SORD: variants seen among roughly 807,000 people sequenced by gnomAD.
The protein encoded by SORD is (R,R)-butanediol dehydrogenase.
A neutral mutation model predicts 35.6 loss-of-function variants in SORD; 18 were observed. The observed-to-expected ratio is 0.51, with a 90% CI of 0.35 to 0.75. The LOEUF (loss-of-function observed/expected upper bound fraction) is 0.75, where lower values mean the gene tolerates loss of function less well. Ranked by LOEUF, SORD falls within the 30% of genes least tolerant of loss-of-function variation. SORD has a pLI of 0.01. For synonymous variants in SORD, 106 were observed against 152.9 expected (o/e 0.69, Z 2.26); for missense variants, 250 against 390.2 (o/e 0.64, Z 3.03).
chr15:45,039,689 A>G (rs1207111770), intron 1 of SORD, among the ~76,000 whole-genome samples: 1 of 152,240 alleles, frequency 6.6e-6, no homozygotes, highest in African/African-American at 2.4e-5. Flanking sequence ...CAAATGCCAC[A>G]TGGGAAGTTT....
chr15:45,048,274 TC>T (rs1293257047), intron 3 of SORD, among the ~76,000 whole-genome samples: 1 of 152,176 alleles, frequency 6.6e-6, no homozygotes. Flanking sequence ...TGGTTTGTTT[TC>T]CCCCAATCCA....
chr15:45,055,063 T>C (rs2141277026), intron 3 of SORD, among the ~76,000 whole-genome samples: 1 of 152,242 alleles, frequency 6.6e-6, no homozygotes, highest in South Asian at 2.1e-4. Flanking sequence ...GTAGTATAGT[T>C]TGAAGTCAGG....
At chr15:45,039,121 A>ATC (rs940627792) in intron 1 of SORD, among the ~76,000 whole-genome samples, 3 of 148,790 alleles carry the variant, frequency 2.0e-5, no homozygotes, top group Admixed American at 1.3e-4. Flanking sequence ...GAACATTTCC[A>ATC]TCTCTCTCTC....
At chr15:45,067,324 C>T (rs1294229595) in intron 5 of SORD, among the ~76,000 whole-genome samples, 1 of 152,160 alleles carries the variant, frequency 6.6e-6, no homozygotes, top group Non-Finnish European at 1.5e-5. Context: ...TGCACCACTG[C>T]ACTCCAGCCT....
chr15:45,030,581 A>G (rs1892763697), intron 1 of SORD, among the ~76,000 whole-genome samples: 2 of 152,264 alleles, frequency 1.3e-5, no homozygotes. Context: ...AGCACTTATC[A>G]AGATCACGAA....
At position 45,054,290 on chromosome 15, in the gene SORD, A is replaced by G. The variant is rs1360259601; in HGVS notation, c.266-6777A>G. Among the ~76,000 whole-genome samples the G allele has an allele frequency of 3.9e-5, 6 of 152,200 alleles. No homozygotes were observed. In the East Asian group the frequency reaches 1.2e-3, roughly 29 times the overall value. On this transcript the variant is annotated intron_variant, in intron 3 of 8. Transcript: ENST00000267814. ...TGTAAAAGTGTTCCTATTTCAACAC[A>G]TTCTCTCCAGCACCTGTTGTTTCCT...
At chr15:45,073,312 C>T in intron 8 of SORD, 53 bp from the exon 9 acceptor site, 4 of 953,816 alleles carry the variant, frequency 4.2e-6, no homozygotes, top group Non-Finnish European at 6.0e-6. Context: ...TAGTTTGGGG[C>T]ACCTGGCTCT....
At chr15:45,048,500 G>C (rs1332732416) in intron 3 of SORD, among the ~76,000 whole-genome samples, 1 of 152,130 alleles carries the variant, frequency 6.6e-6, no homozygotes, top group African/African-American at 2.4e-5. Flanking sequence ...CTTGAGCCTG[G>C]GGGTTTGAGA....
rs1893300773 is a variant in SORD, at chr15:45,061,232, T to A, written c.425+6T>A. Reference sequence around the variant, plus strand: ...AATGCAGCCTTTTGTTACAAGTTAGTGTCCACAGTCCCACTGGGTCACCTG... The same window carrying A: ...AATGCAGCCTTTTGTTACAAGTTAGAGTCCACAGTCCCACTGGGTCACCTG... On this transcript the variant is annotated splice_donor_region_variant and intron_variant, in intron 4 of 8. Transcript: ENST00000267814. 6.2e-7 allele frequency: 1 copy of A among 1,613,986 alleles called. No individual in the cohort carries two copies. Among genetic ancestry groups the A allele is most frequent in the South Asian group, 1.1e-5 (1 of 91,084 alleles).
chr15:45,025,105 C>A (rs1892649592), intron 1 of SORD, among the ~76,000 whole-genome samples: 1 of 152,312 alleles, frequency 6.6e-6, no homozygotes, highest in Non-Finnish European at 1.5e-5. Flanking sequence ...GCATTAGAAC[C>A]CACTCTCTGA....
chr15:45,069,067 G>A lies in SORD; in HGVS notation c.786+15G>A, dbSNP rs775797748. On this transcript the variant is annotated intron_variant, in intron 7 of 8. Coordinates refer to ENST00000267814, the MANE Select transcript of SORD (RefSeq NM_003104.6). ...CGGGCATCTACGTGAGTGGGCTGAG[G>A]GCAGCTTTGGGGAATCAGCATAGGG... 1.4e-5 allele frequency: 23 copies of A among 1,596,086 alleles called. No homozygotes were observed. In the South Asian group the frequency reaches 2.6e-4, roughly 18 times the overall value.
At chr15:45,039,035 G>A (rs1324073284) in intron 1 of SORD, among the ~76,000 whole-genome samples, 2 of 152,108 alleles carry the variant, frequency 1.3e-5, no homozygotes, top group Non-Finnish European at 2.9e-5. Context: ...TCGCAGCTTC[G>A]AATTTCTCAT....
chr15:45,024,887 C>T (rs1451650414), intron 1 of SORD, among the ~76,000 whole-genome samples: 1 of 152,102 alleles, frequency 6.6e-6, no homozygotes, highest in Non-Finnish European at 1.5e-5. Context: ...AGAAAAGACG[C>T]CACAGGGAGG....
chr15:45,040,387 T>C, intron 1 of SORD, 21 bp from the exon 2 acceptor site: 5 of 1,412,744 alleles, frequency 3.5e-6, no homozygotes, highest in Non-Finnish European at 5.0e-6. Context: ...TAAATGATTT[T>C]TTCAATTTTG....
intron 1 of SORD, among the ~76,000 whole-genome samples, chr15:45,031,482 G>A (rs951658303): frequency 2.0e-5 from 3 of 152,254 alleles, no homozygotes; most frequent in Admixed American, 6.5e-5. Flanking sequence ...GCCTCTGTTC[G>A]TGAGGAGGCC....
At chr15:45,024,777 A>C (rs1720689) in intron 1 of SORD, among the ~76,000 whole-genome samples, 1 of 151,496 alleles carries the variant, frequency 6.6e-6, no homozygotes, top group Non-Finnish European at 1.5e-5. Flanking sequence ...AGGGCCCAGA[A>C]AGGAGGACAC....
rs1893559081 is a variant in SORD, at chr15:45,074,216, T to G, written c.*686T>G. On this transcript the variant is annotated 3_prime_UTR_variant, in exon 9 of 9. Transcript: ENST00000267814. ...AGGACTACTCAGCACTGTTTGAAGA[T>G]TGCCTCTTCTACAGCTTCTGAGAAT... The G allele has an allele frequency of 6.8e-6, 1 of 146,098 alleles. No homozygotes were observed. The highest frequency in any genetic ancestry group is 2.7e-5 in the African/African-American group (1 of 37,258). The allele number at this position is 146,098 out of a possible 1,614,324, so 9.1% of individuals were successfully genotyped here.
chr15:45,040,868 A>G (rs556055091), intron 2 of SORD, among the ~76,000 whole-genome samples: 2 of 152,322 alleles, frequency 1.3e-5, no homozygotes, highest in South Asian at 2.1e-4. Context: ...AATCTTTAGC[A>G]AAGGGAGCAT....
At chr15:45,030,161 G>C (rs1417093872) in intron 1 of SORD, among the ~76,000 whole-genome samples, 2 of 152,174 alleles carry the variant, frequency 1.3e-5, no homozygotes, top group African/African-American at 4.8e-5. Context: ...CTTGGAGGTG[G>C]AATTTCACTG....
Sources: gnomAD v4.1 joint callset for allele counts (sites outside exome capture counted in the v4.1 genomes callset) on GRCh38, gnomAD v4.1.1 for gene constraint, MANE v1.5 for transcripts, NCBI Gene and HGNC (gene_info 2026-07-23, HGNC 2026-07-21) for gene names.